Variants in ARID5B observed in about 807,000 individuals in gnomAD.
The protein encoded by ARID5B is AT-rich interaction domain 5B.
A neutral mutation model predicts 97.2 loss-of-function variants in ARID5B; 13 were observed. The ratio of observed to expected loss-of-function variants is 0.13; its 90% confidence interval spans 0.09 to 0.21. The LOEUF (loss-of-function observed/expected upper bound fraction) is 0.21. ARID5B is among the 10% of genes least tolerant of loss of function. ARID5B has a pLI of 1.00. For synonymous variants in ARID5B, 556 were observed against 570.3 expected, an observed-to-expected ratio of 0.97 and a Z score of 0.36; for missense variants, 1,210 against 1,465.3, an observed-to-expected ratio of 0.83 and a Z score of 2.84.
At chr10:61,932,049 G>A (rs1844219096) in intron 2 of ARID5B, among the ~76,000 whole-genome samples, 1 of 152,132 alleles carries the variant, frequency 6.6e-6, no homozygotes, top group South Asian at 2.1e-4. Context: ...AAAAACCTGT[G>A]CGGGCATACC....
chr10:62,038,820 C>T (rs1839597657), intron 4 of ARID5B, among the ~76,000 whole-genome samples: 1 of 152,164 alleles, frequency 6.6e-6, no homozygotes, highest in South Asian at 2.1e-4. Flanking sequence ...CCCACCGCAT[C>T]CCATCGACTC....
intron 3 of ARID5B, among the ~76,000 whole-genome samples, chr10:61,956,078 T>G (rs1434743336): frequency 6.6e-6 from 1 of 152,200 alleles, no homozygotes; most frequent in Non-Finnish European, 1.5e-5. Flanking sequence ...AAAAATAAAT[T>G]TGACTATATG....
At chr10:61,902,029 C>T (rs1336534233) in intron 1 of ARID5B, 130 bp from the exon 2 acceptor site, 1 of 1,083,604 alleles carries the variant, frequency 9.2e-7, no homozygotes, top group African/African-American at 1.6e-5. Flanking sequence ...ATTATTTTTC[C>T]ACCCAGCGTT....
intron 2 of ARID5B, among the ~76,000 whole-genome samples, chr10:61,938,057 G>C (rs773926222): frequency 2.6e-5 from 4 of 152,058 alleles, no homozygotes; most frequent in Non-Finnish European, 5.9e-5. Context: ...TCCTGCATTT[G>C]TTTTTATGTG....
At chr10:61,998,810 G>A (rs2132865510) in intron 3 of ARID5B, among the ~76,000 whole-genome samples, 1 of 152,268 alleles carries the variant, frequency 6.6e-6, no homozygotes, top group South Asian at 2.1e-4. Flanking sequence ...GAAGGTGGGT[G>A]TATCAATCAA....
chr10:61,937,628 A>C (rs922341202), intron 2 of ARID5B, among the ~76,000 whole-genome samples: 1 of 152,196 alleles, frequency 6.6e-6, no homozygotes, highest in Non-Finnish European at 1.5e-5. Flanking sequence ...TATTAGAGTA[A>C]ATCAGCAATA....
intron 4 of ARID5B, among the ~76,000 whole-genome samples, chr10:62,018,862 T>C (rs1839318234): frequency 6.6e-6 from 1 of 152,194 alleles, no homozygotes; most frequent in Admixed American, 6.5e-5. Flanking sequence ...GCTGCCAGAT[T>C]CATACCACAT....
intron 2 of ARID5B, among the ~76,000 whole-genome samples, chr10:61,914,628 TCTGCAAAATTTTCACCCA>T (rs1843867376): frequency 6.6e-6 from 1 of 152,216 alleles, no homozygotes; most frequent in Non-Finnish European, 1.5e-5. Flanking sequence ...CCCGAAACCA[TCTGCAAAATTTTCACCCA>T]CTGTGTTTTC....
At chr10:61,969,487 G>A (rs1433292522) in intron 3 of ARID5B, among the ~76,000 whole-genome samples, 1 of 151,980 alleles carries the variant, frequency 6.6e-6, no homozygotes, top group Admixed American at 6.6e-5. Context: ...GAAATAGACA[G>A]GTCTTTGCTC....
In ARID5B at chr10:62,057,328, C is replaced by A. The variant is rs764939509; in HGVS notation, c.1048+10C>A. 1 of 1,607,524 alleles carries A rather than the reference C, an allele frequency of 6.2e-7. No homozygotes were observed. Among genetic ancestry groups the A allele is most frequent in the South Asian group, 1.1e-5 (1 of 90,680 alleles). The stretch of plus-strand genomic sequence containing the variant: ...TTAGGTTTTAAACAGAGTGAGTATA[C>A]TTGTTTTCGTTTCTGAATTATCAGA... On this transcript the variant is annotated intron_variant, in intron 6 of 9. Transcript: ENST00000279873.
intron 8 of ARID5B, among the ~76,000 whole-genome samples, chr10:62,073,689 A>G (rs1840093720): frequency 6.6e-6 from 1 of 152,216 alleles, no homozygotes; most frequent in Admixed American, 6.5e-5. Flanking sequence ...TTAATTGCTC[A>G]TGTTACAGAT....
intron 8 of ARID5B, among the ~76,000 whole-genome samples, chr10:62,071,645 A>C (rs184169863): frequency 6.6e-6 from 1 of 151,598 alleles, no homozygotes; most frequent in African/African-American, 2.4e-5. Context: ...GTCTGTGAAT[A>C]AAAGTAGGAT....
At chr10:61,940,429 TA>T (rs1564607984) in intron 3 of ARID5B, 21 bp downstream of exon 3, 11 of 1,594,932 alleles carry the variant, frequency 6.9e-6, no homozygotes, top group Non-Finnish European at 8.6e-6. Flanking sequence ...CTTGTAATTT[TA>T]AATCTAATGT....
chr10:62,057,419 G>T lies in ARID5B; in HGVS notation c.1048+101G>T. 2.5e-6 allele frequency: 3 copies of T among 1,192,988 alleles called. 1 individual carries two copies. Among genetic ancestry groups the T allele is most frequent in the South Asian group, 2.8e-5 (2 of 70,698 alleles). 73.9% of individuals were successfully genotyped at this position (1,192,988 alleles called of 1,614,324 possible). On this transcript the variant is annotated intron_variant, in intron 6 of 9. Transcript: ENST00000279873. ...CAGGATTATGTTGAAATCCTAATCT[G>T]GGGATAGTGCTCTCTGTTTATACTA...
At chr10:62,090,542 A>G (rs1840354102) in intron 9 of ARID5B, among the ~76,000 whole-genome samples, 3 of 152,246 alleles carry the variant, frequency 2.0e-5, no homozygotes, top group Non-Finnish European at 2.9e-5. Context: ...ATTTGACAAG[A>G]AGACAACCTT....
chr10:61,982,975 G>T (rs1267294958), intron 3 of ARID5B, among the ~76,000 whole-genome samples: 1 of 152,186 alleles, frequency 6.6e-6, no homozygotes, highest in African/African-American at 2.4e-5. Flanking sequence ...TTGATTTGCA[G>T]GTTGGGGCAA....
chr10:62,035,472 G>GT lies in ARID5B; in HGVS notation c.734-15410dup, dbSNP rs1839550924. ...CAGGTGCCAGGATCAAAGCATGCTT[G>GT]TTTTTTGCATTTTTTCAAATTTGTT... On this transcript the variant is annotated intron_variant, in intron 4 of 9. Coordinates refer to ENST00000279873, the MANE Select transcript of ARID5B (RefSeq NM_032199.3). 2.6e-5 allele frequency among the ~76,000 whole-genome samples: 4 copies of GT among 152,252 alleles called. No homozygotes were observed. In the South Asian group the frequency reaches 8.3e-4, roughly 32 times the overall value.
intron 2 of ARID5B, among the ~76,000 whole-genome samples, chr10:61,910,440 A>T (rs1316411077): frequency 6.6e-6 from 1 of 152,200 alleles, no homozygotes; most frequent in Non-Finnish European, 1.5e-5. Context: ...AGGAAATTTA[A>T]AACAAATTTA....
At position 62,020,236 on chromosome 10, in the gene ARID5B, G is replaced by A. The variant is rs142706792; in HGVS notation, c.733+19915G>A. On this transcript the variant is annotated intron_variant, in intron 4 of 9. Coordinates refer to ENST00000279873, the MANE Select transcript of ARID5B (RefSeq NM_032199.3). Reference sequence around the variant, plus strand: ...TTATTTAAAGCAAGAAAGGAAGGGCGTGCCAGAAAGTTTTACAAAGAATGA... The same window carrying A: ...TTATTTAAAGCAAGAAAGGAAGGGCATGCCAGAAAGTTTTACAAAGAATGA... Among the ~76,000 whole-genome samples, 15 of 152,268 alleles carry A rather than the reference G, an allele frequency of 9.9e-5. No homozygotes were observed. The East Asian group carries it at 1.7e-3, about 18-fold the overall frequency.
Sources: allele counts gnomAD v4.1 joint callset (sites outside exome capture counted in the v4.1 genomes callset), GRCh38; gene constraint gnomAD v4.1.1; transcripts MANE v1.5; gene names NCBI Gene and HGNC (gene_info 2026-07-23, HGNC 2026-07-21).